The following PAMR1 variants were observed in gnomAD, a reference collection of about 807,000 sequenced individuals.
The protein encoded by PAMR1 is peptidase domain containing associated with muscle regeneration 1.
Under a neutral mutation model 81.8 loss-of-function variants are expected in PAMR1, and 88 were observed. The ratio of observed to expected loss-of-function variants is 1.08; its 90% CI spans 0.91 to 1.28. PAMR1 has a LOEUF of 1.28. Ranked by LOEUF, PAMR1 falls within the 50% of genes most tolerant of loss-of-function variation. PAMR1 has a pLI of 0.00. For synonymous variants in PAMR1, 336 were observed against 345.3 expected, an observed-to-expected ratio of 0.97 and a Z score of 0.30; for missense variants, 935 against 919.7, an observed-to-expected ratio of 1.02 and a Z score of -0.21.
intron 1 of PAMR1, among the ~76,000 whole-genome samples, chr11:35,495,094 T>A (rs1357731595): frequency 6.6e-6 from 1 of 152,190 alleles, no homozygotes; most frequent in Admixed American, 6.5e-5. Flanking sequence ...TGGAGACCAG[T>A]CTCCACACCA....
At chr11:35,478,785 A>G (rs1380025178) in intron 3 of PAMR1, among the ~76,000 whole-genome samples, 1 of 152,190 alleles carries the variant, frequency 6.6e-6, no homozygotes, top group Non-Finnish European at 1.5e-5. Context: ...ATGTGCTCAG[A>G]TTCCTTAACA....
chr11:35,505,754 G>A (rs1465534712), intron 1 of PAMR1, among the ~76,000 whole-genome samples: 1 of 152,056 alleles, frequency 6.6e-6, no homozygotes, highest in East Asian at 1.9e-4. Context: ...TATAAGTGAG[G>A]TGGGTTTCTT....
At chr11:35,510,057 T>A (rs907834432) in intron 1 of PAMR1, among the ~76,000 whole-genome samples, 1 of 152,246 alleles carries the variant, frequency 6.6e-6, no homozygotes, top group East Asian at 1.9e-4. Flanking sequence ...TAGGGAGTTC[T>A]GGGTGCTACA....
chr11:35,500,859 A>T (rs1850821644), intron 1 of PAMR1, among the ~76,000 whole-genome samples: 2 of 152,080 alleles, frequency 1.3e-5, no homozygotes, highest in Admixed American at 6.5e-5. Flanking sequence ...GTATCTAAAC[A>T]TATCTAAACA....
At chr11:35,513,585 C>T (rs1851110801) in intron 1 of PAMR1, 1 of 152,226 alleles carries the variant, frequency 6.6e-6, no homozygotes, top group African/African-American at 2.4e-5. Context: ...TTAGTCCTCA[C>T]AATTGCATTA....
intron 6 of PAMR1, among the ~76,000 whole-genome samples, chr11:35,447,200 C>CT (rs1856311892): frequency 7.3e-6 from 1 of 137,148 alleles, no homozygotes; most frequent in Non-Finnish European, 1.6e-5. Context: ...TTTCCTCCAT[C>CT]CCTTTTTTTT....
intron 1 of PAMR1, among the ~76,000 whole-genome samples, chr11:35,512,738 A>G (rs993691171): frequency 3.3e-5 from 5 of 152,058 alleles, no homozygotes; most frequent in African/African-American, 1.2e-4. Flanking sequence ...CATGCATGTA[A>G]CTCTAGCATT....
At chr11:35,528,139 A>T (rs961656014), upstream of PAMR1, among the ~76,000 whole-genome samples, 5 of 152,114 alleles carry the variant, frequency 3.3e-5, 1 homozygote, top group Admixed American at 2.6e-4. Context: ...ACCCCCAAAT[A>T]TGCCCCTTTG....
intron 3 of PAMR1, among the ~76,000 whole-genome samples, chr11:35,481,514 T>G (rs556293653): frequency 2.8e-3 from 128 of 45,024 alleles, no homozygotes; most frequent in African/African-American, 4.5e-3. Flanking sequence ...CTTGTTTTGT[T>G]TGTTTGTTTG....
At chr11:35,495,578 T>A (rs2135403221) in intron 1 of PAMR1, among the ~76,000 whole-genome samples, 1 of 152,254 alleles carries the variant, frequency 6.6e-6, no homozygotes, top group East Asian at 1.9e-4. Context: ...TGAAATGAAT[T>A]GGATATTTGA....
intron 7 of PAMR1, among the ~76,000 whole-genome samples, chr11:35,440,616 G>T (rs1274748372): frequency 6.6e-6 from 1 of 152,186 alleles, no homozygotes; most frequent in African/African-American, 2.4e-5. Context: ...CCCAAATAGA[G>T]AGGATGTTAA....
chr11:35,434,860 G>C (rs1317222419), intron 9 of PAMR1, 56 bp from the exon 10 acceptor site: 1 of 1,540,830 alleles, frequency 6.5e-7, no homozygotes, highest in Non-Finnish European at 8.9e-7. Flanking sequence ...ATCCAAAGGA[G>C]AATGTGTCAC....
At chr11:35,526,721 G>C (rs111982774), upstream of PAMR1, among the ~76,000 whole-genome samples, 2 of 152,312 alleles carry the variant, frequency 1.3e-5, no homozygotes, top group East Asian at 3.9e-4. Context: ...AGCTTCTTAG[G>C]ATGCTACATA....
At chr11:35,470,337 T>G (rs530102685) in intron 5 of PAMR1, among the ~76,000 whole-genome samples, 16 of 152,330 alleles carry the variant, frequency 1.1e-4, no homozygotes, top group African/African-American at 3.8e-4. Flanking sequence ...CCCCTATATC[T>G]GTGTGACCTT....
At chr11:35,435,829 T>G (rs896078916) in intron 9 of PAMR1, 74 bp downstream of exon 9, 13 of 1,103,226 alleles carry the variant, frequency 1.2e-5, no homozygotes, top group African/African-American at 3.1e-5. Context: ...TCCCAAAAAG[T>G]AGGGTTAATG....
chr11:35,450,664 T>C (rs540105591), intron 6 of PAMR1, among the ~76,000 whole-genome samples: 9 of 152,348 alleles, frequency 5.9e-5, no homozygotes, highest in Admixed American at 1.3e-4. Context: ...CTCAAAAACA[T>C]AATATGTTAT....
chr11:35,432,732 A>G lies in PAMR1; in HGVS notation c.1787T>C (p.Ile596Thr). The change falls in exon 11 of 11, where the codon ATC becomes ACC. Residue 596 changes from isoleucine to threonine, a missense_variant. Ile to Thr is a moderately conservative substitution (Grantham distance 89). Transcript: ENST00000619888. ...DLSTSFQESH[I>T]TVAGWNVLAD... Reference sequence around the variant, plus strand: ...CAGGACATTCCAGCCAGCCACAGTGATGTGGGACTCCTGGAAGGAAGTGCT... The same window carrying G: ...CAGGACATTCCAGCCAGCCACAGTGGTGTGGGACTCCTGGAAGGAAGTGCT... 6.2e-7 allele frequency: 1 copy of G among 1,614,120 alleles called. No individual in the cohort carries two copies. The highest frequency in any genetic ancestry group is 1.1e-5 in the South Asian group (1 of 91,068).
intron 1 of PAMR1, among the ~76,000 whole-genome samples, chr11:35,507,336 C>T (rs1850983236): frequency 6.6e-6 from 1 of 152,098 alleles, no homozygotes; most frequent in African/African-American, 2.4e-5. Context: ...CATGAGCCAC[C>T]ATGCCCAGCC....
intron 5 of PAMR1, among the ~76,000 whole-genome samples, chr11:35,468,343 G>A (rs6484787): frequency 0.59 from 89,273 of 151,970 alleles, 26,578 homozygotes; most frequent in Non-Finnish European, 0.65. Context: ...TATGCTTAAC[G>A]CTCCTATAGT....
Sources: allele counts gnomAD v4.1 joint callset (sites outside exome capture counted in the v4.1 genomes callset), GRCh38; gene constraint gnomAD v4.1.1; transcripts MANE v1.5; gene names NCBI Gene and HGNC (gene_info 2026-07-23, HGNC 2026-07-21).